RIT2: variants seen among roughly 807,000 people sequenced by gnomAD.
The protein encoded by RIT2 is GTP-binding protein Rit2.
Under a neutral mutation model 23.7 loss-of-function variants are expected in RIT2, and 24 were observed. That is an observed-to-expected ratio of 1.01 (90% CI 0.73 to 1.43). RIT2 has a LOEUF of 1.43. Among genes scored for constraint, RIT2 ranks in the 40% most tolerant of loss-of-function variants. The pLI is 0.00. For missense variants in RIT2, 236 were observed against 266.9 expected (o/e 0.88, Z 0.81); for synonymous variants, 107 against 91.1 (o/e 1.17, Z -0.99).
intron 4 of RIT2, among the ~76,000 whole-genome samples, chr18:42,922,985 A>C (rs1289942930): frequency 6.6e-6 from 1 of 152,090 alleles, no homozygotes; most frequent in Non-Finnish European, 1.5e-5. Flanking sequence ...AGCGTAAACA[A>C]TTTCATTTTA....
intron 3 of RIT2, among the ~76,000 whole-genome samples, chr18:42,966,540 G>T (rs1358218883): frequency 1.3e-5 from 2 of 152,052 alleles, no homozygotes; most frequent in Non-Finnish European, 2.9e-5. Flanking sequence ...ATACTGATGA[G>T]CAATTAGGTT....
intron 4 of RIT2, among the ~76,000 whole-genome samples, chr18:42,891,543 C>G (rs568905706): frequency 1.3e-5 from 2 of 152,086 alleles, no homozygotes; most frequent in Non-Finnish European, 2.9e-5. Flanking sequence ...TATATCCAGA[C>G]AGTGGAATAT....
At chr18:43,081,717 C>T (rs528481946) in intron 1 of RIT2, among the ~76,000 whole-genome samples, 3 of 152,094 alleles carry the variant, frequency 2.0e-5, no homozygotes, top group Non-Finnish European at 4.4e-5. Flanking sequence ...TTTGTTCTGC[C>T]CTCATTTATC....
chr18:42,783,226 T>C (rs562016952), intron 4 of RIT2, among the ~76,000 whole-genome samples: 2 of 151,994 alleles, frequency 1.3e-5, no homozygotes, highest in East Asian at 1.9e-4. Flanking sequence ...GTGAGGATAG[T>C]GAGGACTGGA....
At chr18:43,069,133 T>C (rs1217300677) in intron 1 of RIT2, among the ~76,000 whole-genome samples, 2 of 152,276 alleles carry the variant, frequency 1.3e-5, no homozygotes, top group East Asian at 1.9e-4. Flanking sequence ...TTGCAAAATA[T>C]AGTAATGAAG....
At chr18:42,923,490 T>G in intron 4 of RIT2, 82 bp downstream of exon 4, 1 of 1,141,696 alleles carries the variant, frequency 8.8e-7, no homozygotes, top group Non-Finnish European at 1.3e-6. Flanking sequence ...ATTTTCAGTG[T>G]GAACCTGGGA....
At position 43,099,785 on chromosome 18, in the gene RIT2, G is replaced by T. The variant is rs117869064; in HGVS notation, c.103+15632C>A. 1.9e-4 allele frequency among the ~76,000 whole-genome samples: 29 copies of T among 152,142 alleles called. No homozygotes were observed. The East Asian group carries it at 5.6e-3, about 29-fold the overall frequency. On this transcript the variant is annotated intron_variant, in intron 1 of 4. Coordinates refer to ENST00000326695, the MANE Select transcript of RIT2 (RefSeq NM_002930.4). ...TTGCATAGAATAATCCATTTCAATT[G>T]ATGGCAAAATCATTTTTGGCTTAGG...
intron 4 of RIT2, among the ~76,000 whole-genome samples, chr18:42,793,679 G>C (rs540094077): frequency 2.6e-5 from 4 of 152,234 alleles, no homozygotes; most frequent in Admixed American, 1.3e-4. Flanking sequence ...AAGTTGGACA[G>C]ATAAAGAGAA....
At chr18:42,811,578 A>G (rs1905850286) in intron 4 of RIT2, among the ~76,000 whole-genome samples, 1 of 152,090 alleles carries the variant, frequency 6.6e-6, no homozygotes, top group Non-Finnish European at 1.5e-5. Flanking sequence ...GTTGTTTTGA[A>G]AGAAGTAAAT....
At chr18:43,097,550 T>C (rs7230579) in intron 1 of RIT2, among the ~76,000 whole-genome samples, 25,567 of 151,802 alleles carry the variant, frequency 0.17, 2,309 homozygotes, top group African/African-American at 0.18. Flanking sequence ...GGATATCTTA[T>C]GCAAAAGTTA....
At chr18:43,099,253 A>C (rs889685386) in intron 1 of RIT2, among the ~76,000 whole-genome samples, 2 of 152,062 alleles carry the variant, frequency 1.3e-5, no homozygotes, top group Admixed American at 6.6e-5. Flanking sequence ...CAATACATCT[A>C]TACTGCATAT....
chr18:42,929,669 A>G (rs1373861075), intron 3 of RIT2, among the ~76,000 whole-genome samples: 4 of 152,162 alleles, frequency 2.6e-5, no homozygotes, highest in Non-Finnish European at 4.4e-5. Context: ...CTACTTGTTC[A>G]AAAATAATTA....
At chr18:42,810,857 C>T (rs1905831970) in intron 4 of RIT2, among the ~76,000 whole-genome samples, 1 of 152,012 alleles carries the variant, frequency 6.6e-6, no homozygotes, top group Non-Finnish European at 1.5e-5. Context: ...CACGTTGTGA[C>T]TCCAGACTGC....
intron 1 of RIT2, among the ~76,000 whole-genome samples, chr18:43,053,619 C>T (rs779682204): frequency 1.3e-5 from 2 of 151,880 alleles, no homozygotes; most frequent in Non-Finnish European, 2.9e-5. Flanking sequence ...TATTTTTACC[C>T]CACTCAAAAA....
chr18:42,835,092 T>C (rs943650349), intron 4 of RIT2, among the ~76,000 whole-genome samples: 5 of 152,184 alleles, frequency 3.3e-5, no homozygotes, highest in African/African-American at 1.2e-4. Flanking sequence ...ATGTTTCACT[T>C]TTAACTATTT....
intron 1 of RIT2, among the ~76,000 whole-genome samples, chr18:43,038,196 C>T (rs1253489316): frequency 1.0e-4 from 8 of 78,080 alleles, no homozygotes; most frequent in African/African-American, 3.1e-4. Flanking sequence ...CAGAGTGAGA[C>T]TCTGTCTCAA....
chr18:42,992,747 T>A (rs1231713908), intron 2 of RIT2, among the ~76,000 whole-genome samples: 2 of 152,108 alleles, frequency 1.3e-5, no homozygotes, highest in African/African-American at 4.8e-5. Context: ...TTTTTCTTTA[T>A]CCAACCTCTC....
intron 2 of RIT2, among the ~76,000 whole-genome samples, chr18:43,011,023 C>T (rs372553635): frequency 9.9e-5 from 15 of 151,736 alleles, no homozygotes; most frequent in Non-Finnish European, 1.3e-4. Context: ...GAAAAGATAA[C>T]GGTTAATGAT....
chr18:42,796,506 G>T (rs2143955185), intron 4 of RIT2, among the ~76,000 whole-genome samples: 1 of 152,186 alleles, frequency 6.6e-6, no homozygotes, highest in South Asian at 2.1e-4. Context: ...TTTTACATGG[G>T]TTTTTCTTGT....
Sources: allele counts gnomAD v4.1 joint callset (sites outside exome capture counted in the v4.1 genomes callset), GRCh38; gene constraint gnomAD v4.1.1; transcripts MANE v1.5; gene names NCBI Gene and HGNC (gene_info 2026-07-23, HGNC 2026-07-21).